The following ENDOV variants were observed in gnomAD, a reference collection of about 807,000 sequenced individuals.
ENDOV encodes the protein endonuclease V.
Under a neutral mutation model 39.4 loss-of-function variants are expected in ENDOV, and 37 were observed. That is an observed-to-expected ratio of 0.94 (90% CI 0.72 to 1.23). ENDOV has a LOEUF of 1.23. Among genes scored for constraint, ENDOV ranks in the 50% most tolerant of loss-of-function variants. The probability of loss-of-function intolerance (pLI) is 0.00; values close to 1 mark genes in which losing one functional copy is unlikely to be tolerated. For missense variants in ENDOV, 441 were observed against 375.7 expected (o/e 1.17, Z -1.44); for synonymous variants, 186 against 163.4 (o/e 1.14, Z -1.05).
At chr17:80,417,946 G>A (rs576759422) in intron 2 of ENDOV, 9 of 152,230 alleles carry the variant, frequency 5.9e-5, no homozygotes, top group Non-Finnish European at 1.0e-4. Flanking sequence ...ACTCCCGAAG[G>A]TGACAAACGT....
rs759043082 is a variant in ENDOV, at chr17:80,425,042, T to C, written c.527T>C (p.Leu176Pro). The change falls in exon 6 of 10, where the codon CTG becomes CCG. Residue 176 changes from leucine to proline, a missense_variant. Transcript: ENST00000518137. ...CCCTCCATTTTCCAGATCCGACTCCTGCAGACTCGAGGAGACTCATTCCCT... is the reference window on the plus strand; with the variant it reads ...CCCTCCATTTTCCAGATCCGACTCCCGCAGACTCGAGGAGACTCATTCCCT... ...NALHKEKIRL[L>P]QTRGDSFPLL... The C allele has an allele frequency of 6.2e-6, 10 of 1,612,396 alleles. 1 individual carries two copies. In the South Asian group the frequency reaches 8.8e-5, roughly 14 times the overall value.
intron 2 of ENDOV, chr17:80,417,404 C>G (rs1374286718): frequency 6.6e-6 from 1 of 152,280 alleles, no homozygotes; most frequent in East Asian, 1.9e-4. Context: ...ACTTGTCCCT[C>G]AGCACCATGT....
chr17:80,424,050 AG>A, intron 5 of ENDOV: 1 of 373,756 alleles, frequency 2.7e-6, no homozygotes, highest in Non-Finnish European at 4.7e-6. Flanking sequence ...CCTCCCGCCA[AG>A]ACCTGCCTGG....
chr17:80,415,203 G>T lies in ENDOV; in HGVS notation c.9G>T (p.Leu3=). Residue 3 remains leucine, a synonymous_variant, in exon 1 of 10, where the codon CTG becomes CTT. Transcript: ENST00000518137. MA[L]EAAGGPPEET... is the part of the protein sequence containing the mutation. ...GTGCCCGGGACGAAGCCATGGCCCTGGAGGCGGCGGGAGGGCCGCCGGAGG... is the reference window on the plus strand; with the variant it reads ...GTGCCCGGGACGAAGCCATGGCCCTTGAGGCGGCGGGAGGGCCGCCGGAGG... The T allele has an allele frequency of 6.2e-7, 1 of 1,613,236 alleles. No individual in the cohort carries two copies. Among genetic ancestry groups the T allele is most frequent in the South Asian group, 1.1e-5 (1 of 91,046 alleles).
intron 2 of ENDOV, chr17:80,419,583 C>T: frequency 2.8e-6 from 2 of 702,904 alleles, no homozygotes; most frequent in Non-Finnish European, 5.2e-6. Context: ...TCCCATCGAT[C>T]AGTTCTGCCT....
intron 7 of ENDOV, 85 bp downstream of exon 7, chr17:80,425,705 T>A (rs2082615357): frequency 1.8e-5 from 28 of 1,526,924 alleles, no homozygotes; most frequent in Non-Finnish European, 2.3e-5. Context: ...GCAGCTCAGC[T>A]GGGGTCAGAG....
intron 9 of ENDOV, 126 bp from the exon 10 acceptor site, chr17:80,436,007 G>T (rs748374603): frequency 1.9e-6 from 2 of 1,034,680 alleles, no homozygotes; most frequent in Non-Finnish European, 1.4e-6. Flanking sequence ...CTCCCACCTC[G>T]GCCTCCCCAA....
chr17:80,437,300 A>C lies in ENDOV; in HGVS notation c.*1157A>C, dbSNP rs2083624564. 1 of 152,784 alleles carries C rather than the reference A, an allele frequency of 6.5e-6. No homozygotes were observed. Among genetic ancestry groups the C allele is most frequent in the Admixed American group, 6.5e-5 (1 of 15,298 alleles). The allele number at this position is 152,784 out of a possible 1,614,324, so 9.5% of individuals were successfully genotyped here. A position where few individuals can be genotyped will look rare whatever the true frequency, so the allele number is the denominator to read the frequency against. ...TGCATGCCTTTCCCAGGCTCTCCCCAGGCGGACAGCCAGCACCCCCTCCCC... is the reference window on the plus strand; with the variant it reads ...TGCATGCCTTTCCCAGGCTCTCCCCCGGCGGACAGCCAGCACCCCCTCCCC... On this transcript the variant is annotated 3_prime_UTR_variant, in exon 10 of 10. Coordinates refer to ENST00000518137, the MANE Select transcript of ENDOV (RefSeq NM_173627.5).
Position 80,424,062 on chromosome 17 carries a change from A to C in ENDOV, c.516+430A>C, listed in dbSNP as rs189308299. ...CCCCCTCCCGCCAAGACCTGCCTGG[A>C]GCTGCCACCCACACTCTTCCTACCT... On this transcript the variant is annotated intron_variant, in intron 5 of 9. Coordinates refer to ENST00000518137, the MANE Select transcript of ENDOV (RefSeq NM_173627.5). 18 of 251,250 alleles carry C rather than the reference A, an allele frequency of 7.2e-5. No individual in the cohort carries two copies. The Admixed American group carries it at 9.8e-4, about 14-fold the overall frequency. The allele number at this position is 251,250 out of a possible 1,614,324, so 15.6% of individuals were successfully genotyped here. A position where few individuals can be genotyped will look rare whatever the true frequency, so the allele number is the denominator to read the frequency against.
chr17:80,415,244 G>A lies in ENDOV; in HGVS notation c.50G>A (p.Trp17Ter), dbSNP rs1476410456. 3 of 1,613,370 alleles carry A rather than the reference G, an allele frequency of 1.9e-6. No homozygotes were observed. The South Asian group carries it at 3.3e-5, about 18-fold the overall frequency. ...CCGCCGGAGGAAACGCTGTCACTGT[G>A]GAAACGGTAATGCTGTCAGGCGACG... Reference protein sequence around the residue: ...GGPPEETLSLWKREQARLKAH... With the variant: ...GGPPEETLSL Residue 17 changes from tryptophan to a stop codon, truncating the protein, a stop_gained, in exon 1 of 10, where the codon TGG becomes TAG. Coordinates refer to ENST00000518137, the MANE Select transcript of ENDOV (RefSeq NM_173627.5). LOFTEE classifies it high-confidence loss of function.
intron 2 of ENDOV, chr17:80,419,721 G>C: frequency 1.4e-6 from 1 of 699,238 alleles, no homozygotes; most frequent in Non-Finnish European, 2.6e-6. Context: ...TTCTTCACTG[G>C]TCAGTGGCCC....
At chr17:80,417,515 T>A (rs1240451737) in intron 2 of ENDOV, 2 of 152,400 alleles carry the variant, frequency 1.3e-5, no homozygotes, top group Non-Finnish European at 1.5e-5. Context: ...AGGCTCAAGA[T>A]CAGGGTGCCA....
chr17:80,428,721 T>C, intron 8 of ENDOV, 61 bp downstream of exon 8: 1 of 1,492,132 alleles, frequency 6.7e-7, no homozygotes, highest in South Asian at 1.2e-5. Context: ...GCATGGGCTG[T>C]TTCCGGTGGC....
chr17:80,436,359 A>G lies in ENDOV; in HGVS notation c.*216A>G. 6.6e-7 allele frequency: 1 copy of G among 1,505,490 alleles called. No homozygotes were observed. Among genetic ancestry groups the G allele is most frequent in the Non-Finnish European group, 8.9e-7 (1 of 1,125,516 alleles). 93.3% of individuals were successfully genotyped at this position (1,505,490 alleles called of 1,614,324 possible). A position where few individuals can be genotyped will look rare whatever the true frequency, so the allele number is the denominator to read the frequency against. On this transcript the variant is annotated 3_prime_UTR_variant, in exon 10 of 10. Transcript: ENST00000518137. ...ACGTCCTTGTCTTGTTCCTGATCTTAAGGGAACGTTTGCAGTCTTTCACCA... is the reference window on the plus strand; with the variant it reads ...ACGTCCTTGTCTTGTTCCTGATCTTGAGGGAACGTTTGCAGTCTTTCACCA...
chr17:80,424,077 T>A (rs896135919), intron 5 of ENDOV: 15 of 224,642 alleles, frequency 6.7e-5, no homozygotes, highest in Admixed American at 1.2e-4. Context: ...CCACCCACAC[T>A]CTTCCTACCT....
chr17:80,432,797 T>A (rs2083408479), intron 9 of ENDOV, among the ~76,000 whole-genome samples: 1 of 151,984 alleles, frequency 6.6e-6, no homozygotes. Flanking sequence ...GCAGGGGAGC[T>A]GCTGACTGCA....
At chr17:80,424,125 T>C (rs1303096909) in intron 5 of ENDOV, 1 of 397,898 alleles carries the variant, frequency 2.5e-6, no homozygotes, top group East Asian at 3.6e-5. Flanking sequence ...GGACCCCATG[T>C]TGGCACTGGG....
chr17:80,421,013 A>AGGGGT (rs201235279), intron 2 of ENDOV, among the ~76,000 whole-genome samples: 6,563 of 151,848 alleles, frequency 0.043, 147 homozygotes, highest in Middle Eastern at 0.061. Flanking sequence ...CAACCCATGG[A>AGGGGT]GGGGTGGGGT....
At chr17:80,427,459 G>T in intron 7 of ENDOV, 1 of 985,450 alleles carries the variant, frequency 1.0e-6, no homozygotes, top group Non-Finnish European at 1.2e-6. Context: ...AATAGAGCAA[G>T]GATCTGTGCC....
Sources: allele counts gnomAD v4.1 joint callset (sites outside exome capture counted in the v4.1 genomes callset), GRCh38; gene constraint gnomAD v4.1.1; transcripts MANE v1.5; gene names NCBI Gene and HGNC (gene_info 2026-07-23, HGNC 2026-07-21).